NBEA: variants seen among roughly 807,000 people sequenced by gnomAD.
NBEA encodes the protein neurobeachin, also known as lysosomal-trafficking regulator 2.
Under a neutral mutation model 343.4 loss-of-function variants are expected in NBEA, and 44 were observed. The ratio of observed to expected loss-of-function variants is 0.13; its 90% CI spans 0.10 to 0.16. The LOEUF is 0.16. Ranked by LOEUF, NBEA falls within the 10% of genes least tolerant of loss-of-function variation. The pLI is 1.00. For missense variants in NBEA, 2,555 were observed against 3,631.3 expected (o/e 0.70, Z 7.62); for synonymous variants, 1,175 against 1,238.7 (o/e 0.95, Z 1.08).
chr13:35,178,963 G>A (rs987991172), intron 28 of NBEA, among the ~76,000 whole-genome samples: 2 of 151,460 alleles, frequency 1.3e-5, no homozygotes, highest in Non-Finnish European at 3.0e-5. Flanking sequence ...ACAGTCAGAC[G>A]TAATATATAA....
intron 1 of NBEA, among the ~76,000 whole-genome samples, chr13:34,988,681 T>C (rs2060645782): frequency 6.6e-6 from 1 of 151,118 alleles, no homozygotes; most frequent in African/African-American, 2.4e-5. Context: ...GGACTGACCT[T>C]TGTATTGTTA....
At chr13:35,000,956 GT>G (rs957050494) in intron 1 of NBEA, among the ~76,000 whole-genome samples, 4 of 150,656 alleles carry the variant, frequency 2.7e-5, no homozygotes, top group Admixed American at 6.6e-5. Context: ...AACATAGTTG[GT>G]TTTTTTTTGT....
chr13:35,166,985 T>G (rs918835817), intron 24 of NBEA, among the ~76,000 whole-genome samples: 16 of 152,058 alleles, frequency 1.1e-4, no homozygotes, highest in African/African-American at 3.9e-4. Context: ...CCTAGATATA[T>G]GAAGAGAGAT....
chr13:35,662,433 T>C (rs1326649880), intron 55 of NBEA, among the ~76,000 whole-genome samples: 1 of 152,222 alleles, frequency 6.6e-6, no homozygotes, highest in Non-Finnish European at 1.5e-5. Flanking sequence ...AGTGACAGAA[T>C]ATTCCTAGGA....
chr13:35,380,166 C>A (rs899572496), intron 38 of NBEA, among the ~76,000 whole-genome samples: 1 of 151,936 alleles, frequency 6.6e-6, no homozygotes, highest in Admixed American at 6.6e-5. Flanking sequence ...TAGTTTTGGC[C>A]GGGCACGGTG....
intron 44 of NBEA, among the ~76,000 whole-genome samples, chr13:35,559,545 T>G (rs2079752459): frequency 6.6e-6 from 1 of 152,196 alleles, no homozygotes. Context: ...ATAATATGTT[T>G]TAAACATTTT....
intron 58 of NBEA, 32 bp downstream of exon 58, chr13:35,668,551 G>A: frequency 1.3e-6 from 2 of 1,539,024 alleles, no homozygotes; most frequent in South Asian, 1.2e-5. Flanking sequence ...TATCATCACT[G>A]AGAACTGTCA....
intron 41 of NBEA, among the ~76,000 whole-genome samples, chr13:35,546,806 A>T (rs1318747591): frequency 6.6e-6 from 1 of 151,842 alleles, no homozygotes; most frequent in African/African-American, 2.4e-5. Context: ...ACCCACCTCA[A>T]CCTCCCAAAG....
chr13:35,016,021 G>T (rs928513837), intron 1 of NBEA, among the ~76,000 whole-genome samples: 2 of 151,980 alleles, frequency 1.3e-5, no homozygotes, highest in African/African-American at 2.4e-5. Flanking sequence ...CATTAGAATT[G>T]AAGCAAATAA....
At chr13:34,969,770 C>T (rs960444159) in intron 1 of NBEA, among the ~76,000 whole-genome samples, 3 of 149,976 alleles carry the variant, frequency 2.0e-5, no homozygotes, top group Non-Finnish European at 4.5e-5. Flanking sequence ...ATATATACCA[C>T]GTTTTTTTTT....
intron 13 of NBEA, among the ~76,000 whole-genome samples, chr13:35,115,424 C>A (rs367724566): frequency 1.3e-5 from 2 of 152,054 alleles, no homozygotes; most frequent in Non-Finnish European, 2.9e-5. Context: ...TATTCTCATG[C>A]GTGTTCACAC....
chr13:35,123,185 T>C (rs1257898380), intron 16 of NBEA, among the ~76,000 whole-genome samples: 1 of 152,182 alleles, frequency 6.6e-6, no homozygotes, highest in East Asian at 1.9e-4. Flanking sequence ...AGTTTAAATA[T>C]TGGGGCCAAT....
chr13:35,469,253 T>C (rs911604208), intron 40 of NBEA, among the ~76,000 whole-genome samples: 11 of 152,262 alleles, frequency 7.2e-5, no homozygotes, highest in Non-Finnish European at 1.6e-4. Context: ...TGATAAATTG[T>C]TTCTTTTTTA....
chr13:35,266,349 G>A (rs574695156), intron 34 of NBEA, among the ~76,000 whole-genome samples: 6 of 151,682 alleles, frequency 4.0e-5, no homozygotes, highest in African/African-American at 1.2e-4. Flanking sequence ...TGTATCCAAA[G>A]GAAATTGAAT....
chr13:35,217,449 A>G (rs955506863), intron 33 of NBEA, among the ~76,000 whole-genome samples: 1 of 151,788 alleles, frequency 6.6e-6, no homozygotes, highest in Non-Finnish European at 1.5e-5. Context: ...ACCTACCTCT[A>G]CTTTCCCAAA....
chr13:35,158,636 A>G (rs1398611667), intron 21 of NBEA, among the ~76,000 whole-genome samples: 1 of 152,150 alleles, frequency 6.6e-6, no homozygotes, highest in Admixed American at 6.6e-5. Flanking sequence ...AAACCAACAT[A>G]GTAATAGTAC....
intron 34 of NBEA, among the ~76,000 whole-genome samples, chr13:35,273,571 A>C (rs148781791): frequency 0.046 from 6,970 of 152,282 alleles, 202 homozygotes; most frequent in South Asian, 0.079. Flanking sequence ...CAGTGAATCC[A>C]GGAGCTGGTT....
chr13:34,995,436 A>AT (rs398022299), intron 1 of NBEA, among the ~76,000 whole-genome samples: 1 of 151,686 alleles, frequency 6.6e-6, no homozygotes, highest in African/African-American at 2.4e-5. Flanking sequence ...AAAAAAAAAA[A>AT]GAAAAACTTT....
chr13:35,273,100 GAAGTAAAACACCCC>G (rs1456580345), intron 34 of NBEA, among the ~76,000 whole-genome samples: 2 of 152,062 alleles, frequency 1.3e-5, no homozygotes, highest in African/African-American at 2.4e-5. Flanking sequence ...CACATAATTG[GAAGTAAAACACCCC>G]TCAGCAAATG....
Sources: allele counts gnomAD v4.1 joint callset (sites outside exome capture counted in the v4.1 genomes callset), GRCh38; gene constraint gnomAD v4.1.1; transcripts MANE v1.5; gene names NCBI Gene and HGNC (gene_info 2026-07-23, HGNC 2026-07-21).